Variants in MTMR3 observed in about 807,000 individuals in gnomAD.
MTMR3 encodes the protein phosphatidylinositol-3,5-bisphosphate 3-phosphatase MTMR3.
A neutral mutation model predicts 132.4 loss-of-function variants in MTMR3; 32 were observed. The ratio of observed to expected loss-of-function variants is 0.24; its 90% CI spans 0.18 to 0.32. MTMR3 has a LOEUF of 0.32. MTMR3 is among the 10% of genes least tolerant of loss of function. The pLI is 1.00. For synonymous variants in MTMR3, 556 were observed against 550.3 expected (o/e 1.01, Z -0.14); for missense variants, 1,216 against 1,489.6 (o/e 0.82, Z 3.02).
In MTMR3 at chr22:30,025,696, C is replaced by T. The variant is rs2067898766; in HGVS notation, c.3492C>T (p.Leu1164=). Residue 1164 remains leucine (L), a synonymous_variant, in exon 20 of 20, where the codon CTC becomes CTT. Transcript: ENST00000401950. ...AGGTTCCAGTTCCCAGCCAGCAGCTCTTTGAACCCAGTCGAGTATGCAAGT... is the reference window on the plus strand; with the variant it reads ...AGGTTCCAGTTCCCAGCCAGCAGCTTTTTGAACCCAGTCGAGTATGCAAGT... ...NQKVPVPSQQ[L]FEPSRVCKSC... The T allele has an allele frequency of 6.2e-7, 1 of 1,614,098 alleles. No individual in the cohort carries two copies. The highest frequency in any genetic ancestry group is 8.5e-7 in the Non-Finnish European group (1 of 1,180,040).
intron 1 of MTMR3, among the ~76,000 whole-genome samples, chr22:29,927,928 C>A (rs2065549099): frequency 6.8e-6 from 1 of 146,124 alleles, no homozygotes; most frequent in East Asian, 2.1e-4. Flanking sequence ...ATGCTAAAAT[C>A]TCTAGCCTTT....
intron 1 of MTMR3, among the ~76,000 whole-genome samples, chr22:29,921,937 C>G (rs576743242): frequency 5.3e-5 from 8 of 151,686 alleles, no homozygotes; most frequent in South Asian, 2.1e-4. Context: ...CAACCTCGAC[C>G]TCTTGGGTTG....
rs1217478439 is a variant in MTMR3, at chr22:29,906,270, GTCTGTCTGTCTGTCTGTCTATCTA to G, written c.-138+22915_-138+22938del. 6.9e-4 allele frequency among the ~76,000 whole-genome samples: 72 copies of G among 104,284 alleles called. 2 individuals carry two copies. The highest frequency in any genetic ancestry group is 8.8e-3 in the Middle Eastern group (2 of 228). The allele number at this position is 104,284 out of a possible 152,430, so 68.4% of individuals were successfully genotyped here. On this transcript the variant is annotated intron_variant, in intron 1 of 19. Transcript: ENST00000401950. Reference sequence around the variant, plus strand: ...CGTCTGTCTGTCTGTCTGTCTGTCTGTCTGTCTGTCTGTCTGTCTATCTATCTATCTATCTATCTATCTATCTAT... The same window carrying G: ...CGTCTGTCTGTCTGTCTGTCTGTCTGTCTATCTATCTATCTATCTATCTAT...
Position 29,888,734 on chromosome 22 carries a change from TG to T in MTMR3, c.-138+5379del. Among the ~76,000 whole-genome samples the T allele has an allele frequency of 2.0e-5, 3 of 151,294 alleles. 1 individual carries two copies. In the South Asian group the frequency reaches 6.3e-4, roughly 32 times the overall value. On this transcript the variant is annotated intron_variant, in intron 1 of 19. Coordinates refer to ENST00000401950, the MANE Select transcript of MTMR3 (RefSeq NM_021090.4). ...GCAAGCTTTTCTGATTTCACTTACC[TG>T]GGGTCGAAATCTAATTTCTTTATTA...
chr22:30,017,240 A>G (rs2067616890), intron 15 of MTMR3: 1 of 154,842 alleles, frequency 6.5e-6, no homozygotes, highest in Admixed American at 6.4e-5. Flanking sequence ...TCTGTTAAGC[A>G]GAGAAAAGGA....
chr22:29,889,897 A>C (rs1474775506), intron 1 of MTMR3, among the ~76,000 whole-genome samples: 1 of 137,014 alleles, frequency 7.3e-6, no homozygotes, highest in Non-Finnish European at 1.5e-5. Flanking sequence ...TTATTTCCTT[A>C]GGATAAATTC....
intron 1 of MTMR3, among the ~76,000 whole-genome samples, chr22:29,908,885 T>G (rs980169937): frequency 5.9e-5 from 9 of 152,228 alleles, no homozygotes; most frequent in African/African-American, 1.7e-4. Context: ...GTGCTGTCAT[T>G]TATTTAATAC....
At chr22:29,884,153 T>C (rs760902456) in intron 1 of MTMR3, among the ~76,000 whole-genome samples, 5 of 152,220 alleles carry the variant, frequency 3.3e-5, no homozygotes, top group Admixed American at 6.5e-5. Context: ...GTTTTGGACA[T>C]GGACTGCTAT....
chr22:30,025,545 C>T (rs1025481718), intron 19 of MTMR3, 85 bp from the exon 20 acceptor site: 6 of 1,429,744 alleles, frequency 4.2e-6, no homozygotes, highest in Admixed American at 3.4e-5. Context: ...AAATTACACA[C>T]GGCAAAGTTT....
At chr22:30,012,297 G>C in intron 12 of MTMR3, 71 bp from the exon 13 acceptor site, 1 of 1,492,882 alleles carries the variant, frequency 6.7e-7, no homozygotes, top group Non-Finnish European at 9.1e-7. Flanking sequence ...TTTTTCATTT[G>C]ACAATCATTG....
At chr22:30,015,839 G>A (rs2067575254) in intron 14 of MTMR3, 1 of 152,190 alleles carries the variant, frequency 6.6e-6, no homozygotes, top group African/African-American at 2.4e-5. Context: ...TAGTCACACT[G>A]GCCTCCTTGC....
At chr22:29,975,223 G>A (rs922472886) in intron 3 of MTMR3, among the ~76,000 whole-genome samples, 5 of 152,128 alleles carry the variant, frequency 3.3e-5, no homozygotes, top group Non-Finnish European at 7.4e-5. Context: ...TGTGGGTTAT[G>A]TCTGTTTATA....
intron 1 of MTMR3, among the ~76,000 whole-genome samples, chr22:29,909,282 A>G (rs998468529): frequency 1.3e-5 from 2 of 151,628 alleles, no homozygotes; most frequent in South Asian, 2.1e-4. Context: ...TACTCCCCCA[A>G]CCCCCAGTGA....
In MTMR3 at chr22:29,954,942, A is replaced by AT. The variant is rs561306416; in HGVS notation, c.-137-2089dup. 5.2e-4 allele frequency among the ~76,000 whole-genome samples: 79 copies of AT among 152,250 alleles called. 1 individual carries two copies. The Middle Eastern group carries it at 0.01, about 20-fold the overall frequency. On this transcript the variant is annotated intron_variant, in intron 1 of 19. Coordinates refer to ENST00000401950, the MANE Select transcript of MTMR3 (RefSeq NM_021090.4). ...CCATAAGCCTTAAAATTTTTCAGTT[A>AT]TTTTTAACAACTTGCTCTGCTTCCT... is the stretch of plus-strand genomic sequence containing the variant.
rs1467739637 is a variant in MTMR3, at chr22:29,918,759, CTCATA to C, written c.-138+35405_-138+35409del. On this transcript the variant is annotated intron_variant, in intron 1 of 19. Transcript: ENST00000401950. ...CACTAGGGGTTTTATCATAATCTGT[CTCATA>C]TCATTTCATATGTTAAAAGGGAATT... 2.0e-5 allele frequency among the ~76,000 whole-genome samples: 3 copies of C among 152,280 alleles called. No individual in the cohort carries two copies. The South Asian group carries it at 6.2e-4, about 32-fold the overall frequency.
At chr22:29,935,268 TC>T (rs1162472456) in intron 1 of MTMR3, among the ~76,000 whole-genome samples, 1 of 152,200 alleles carries the variant, frequency 6.6e-6, no homozygotes, top group Non-Finnish European at 1.5e-5. Flanking sequence ...TTCGAAGTGT[TC>T]CTGTTTATTA....
chr22:29,888,246 C>T (rs1280683618), intron 1 of MTMR3, among the ~76,000 whole-genome samples: 1 of 152,034 alleles, frequency 6.6e-6, no homozygotes, highest in Admixed American at 6.5e-5. Flanking sequence ...GGTTTTGCTA[C>T]GTTGCCCAGG....
chr22:29,986,553 C>A (rs1209734057), intron 5 of MTMR3: 3 of 982,796 alleles, frequency 3.1e-6, no homozygotes, highest in South Asian at 9.4e-5. Flanking sequence ...TTCTTAGTTG[C>A]ATCAGTTGCA....
intron 1 of MTMR3, among the ~76,000 whole-genome samples, chr22:29,947,695 G>C (rs2065979675): frequency 6.6e-6 from 1 of 152,060 alleles, no homozygotes; most frequent in Admixed American, 6.6e-5. Flanking sequence ...TGGTACTTTT[G>C]CCTTCCTTAA....
Sources: allele counts gnomAD v4.1 joint callset (sites outside exome capture counted in the v4.1 genomes callset), GRCh38; gene constraint gnomAD v4.1.1; transcripts MANE v1.5; gene names NCBI Gene and HGNC (gene_info 2026-07-23, HGNC 2026-07-21).